Variants in PTPRE observed in about 807,000 individuals in gnomAD.
PTPRE encodes protein tyrosine phosphatase receptor type E.
PTPRE carries 51 observed loss-of-function variants against 102.0 expected under a neutral mutation model. That is an observed-to-expected ratio of 0.50 (90% CI 0.40 to 0.63). PTPRE has a LOEUF of 0.63. Ranked by LOEUF, PTPRE falls within the 30% of genes least tolerant of loss-of-function variation. The pLI is 0.00. For missense variants in PTPRE, 752 were observed against 915.1 expected (o/e 0.82, Z 2.30); for synonymous variants, 345 against 348.2 (o/e 0.99, Z 0.10).
At chr10:127,958,844 A>G (rs1335352283) in intron 1 of PTPRE, among the ~76,000 whole-genome samples, 1 of 151,324 alleles carries the variant, frequency 6.6e-6, no homozygotes, top group Non-Finnish European at 1.5e-5. Context: ...GAAGATTATT[A>G]ATTATTTATT....
intron 2 of PTPRE, among the ~76,000 whole-genome samples, chr10:127,997,284 A>G (rs1194846698): frequency 6.6e-6 from 1 of 152,204 alleles, no homozygotes; most frequent in Non-Finnish European, 1.5e-5. Context: ...ACACCCAGGT[A>G]AACTCTGAGT....
At chr10:127,962,524 C>G (rs573925637) in intron 1 of PTPRE, among the ~76,000 whole-genome samples, 1 of 152,170 alleles carries the variant, frequency 6.6e-6, no homozygotes. Flanking sequence ...GGGGAGGGGT[C>G]GATGGAGTGT....
At chr10:127,968,776 T>C (rs989653892) in intron 1 of PTPRE, among the ~76,000 whole-genome samples, 2 of 152,262 alleles carry the variant, frequency 1.3e-5, no homozygotes, top group African/African-American at 4.8e-5. Flanking sequence ...TTTAAAAATA[T>C]GTTGTGGCAG....
chr10:128,011,741 C>A (rs1159951076), intron 2 of PTPRE, among the ~76,000 whole-genome samples: 1 of 152,248 alleles, frequency 6.6e-6, no homozygotes, highest in Admixed American at 6.5e-5. Context: ...TAGGGGCTCC[C>A]CCCTCCACCC....
intron 1 of PTPRE, among the ~76,000 whole-genome samples, chr10:127,968,756 G>A (rs1196710918): frequency 6.6e-6 from 1 of 152,246 alleles, no homozygotes; most frequent in Non-Finnish European, 1.5e-5. Context: ...GGGTAGTTGT[G>A]AGCATTAAGT....
chr10:128,009,697 G>C (rs1347639146), intron 2 of PTPRE, among the ~76,000 whole-genome samples: 1 of 152,248 alleles, frequency 6.6e-6, no homozygotes, highest in South Asian at 2.1e-4. Flanking sequence ...GGACAGCCCT[G>C]AAAGATGCTG....
chr10:128,043,592 G>T (rs1847882182), intron 3 of PTPRE, among the ~76,000 whole-genome samples: 1 of 152,256 alleles, frequency 6.6e-6, no homozygotes, highest in East Asian at 1.9e-4. Context: ...ACTTGGGGCT[G>T]CCATCTTGGC....
intron 2 of PTPRE, among the ~76,000 whole-genome samples, chr10:128,022,359 T>C (rs113286149): frequency 0.031 from 4,721 of 152,334 alleles, 250 homozygotes; most frequent in African/African-American, 0.11. Flanking sequence ...GGAGCTGTGC[T>C]TCTCACAACC....
At chr10:128,068,376 C>G (rs1050898520) in intron 12 of PTPRE, 90 bp downstream of exon 12, 52 of 1,441,364 alleles carry the variant, frequency 3.6e-5, no homozygotes, top group Non-Finnish European at 4.7e-5. Context: ...GGACCAATAT[C>G]AGGGTGGGCA....
At chr10:127,910,046 A>G in intron 1 of PTPRE, among the ~76,000 whole-genome samples, 1 of 152,166 alleles carries the variant, frequency 6.6e-6, no homozygotes, top group Non-Finnish European at 1.5e-5. Flanking sequence ...CTTGCTAGAC[A>G]AGTCTTTTTC....
chr10:128,021,366 C>G (rs186925417), intron 2 of PTPRE, among the ~76,000 whole-genome samples: 2 of 152,314 alleles, frequency 1.3e-5, no homozygotes, highest in African/African-American at 4.8e-5. Flanking sequence ...CGACCTCCTG[C>G]GAGCCTCCTT....
At chr10:128,042,928 T>A (rs1188645042) in intron 3 of PTPRE, among the ~76,000 whole-genome samples, 1 of 152,142 alleles carries the variant, frequency 6.6e-6, no homozygotes, top group Non-Finnish European at 1.5e-5. Flanking sequence ...TCACTAATCA[T>A]GAAAAGATGC....
chr10:128,063,180 G>T lies in PTPRE; in HGVS notation c.723G>T (p.Glu241Asp). 2 of 1,614,116 alleles carry T rather than the reference G, an allele frequency of 1.2e-6. No individual in the cohort carries two copies. Among genetic ancestry groups the T allele is most frequent in the Non-Finnish European group, 1.7e-6 (2 of 1,180,004 alleles). ...TAACAAACTTGAAAGAAAGGAAAGAGGTGAGTTCCAGGCATCTGGCCCCGG... is the reference window on the plus strand; with the variant it reads ...TAACAAACTTGAAAGAAAGGAAAGATGTGAGTTCCAGGCATCTGGCCCCGG... Reference protein sequence around the residue: ...VMLTNLKERKEEKCHQYWPDQ... With the variant: ...VMLTNLKERKDEKCHQYWPDQ... Residue 241 changes from glutamate to aspartate, a missense_variant and splice_region_variant, in exon 10 of 21, where the codon GAG (glutamate) becomes GAT (aspartate). Glu to Asp is a conservative substitution (Grantham distance 45, BLOSUM62 2). This residue lies in a region of PTPRE where 636 missense variants were observed against 824.4 expected (regional missense o/e 0.77). Transcript: ENST00000254667.
At chr10:127,930,387 G>A (rs1847342623) in intron 1 of PTPRE, among the ~76,000 whole-genome samples, 2 of 152,098 alleles carry the variant, frequency 1.3e-5, no homozygotes, top group African/African-American at 4.8e-5. Context: ...ATAGCCTTTT[G>A]AGTCTGGCTT....
At position 128,056,104 on chromosome 10, in the gene PTPRE, A is replaced by G; in HGVS notation, c.421-19A>G. 6.4e-7 allele frequency: 1 copy of G among 1,563,472 alleles called. No individual in the cohort carries two copies. Among genetic ancestry groups the G allele is most frequent in the Non-Finnish European group, 8.8e-7 (1 of 1,134,616 alleles). On this transcript the variant is annotated intron_variant, in intron 6 of 20. Coordinates refer to ENST00000254667, the MANE Select transcript of PTPRE (RefSeq NM_006504.6). ...CTTGAATCCATCACATTTCATACTAATGCTACATTTTCTTCCAGTCATTGC... is the reference window on the plus strand; with the variant it reads ...CTTGAATCCATCACATTTCATACTAGTGCTACATTTTCTTCCAGTCATTGC...
At chr10:128,032,633 G>A (rs113386782) in intron 2 of PTPRE, among the ~76,000 whole-genome samples, 12,690 of 152,296 alleles carry the variant, frequency 0.083, 734 homozygotes, top group Non-Finnish European at 0.13. Flanking sequence ...CCAGTGTGGC[G>A]GGAGGAGGCT....
At chr10:128,022,888 T>C (rs555490203) in intron 2 of PTPRE, among the ~76,000 whole-genome samples, 1 of 152,332 alleles carries the variant, frequency 6.6e-6, no homozygotes, top group African/African-American at 2.4e-5. Context: ...ACCCTTGGAA[T>C]TGTAGTAATT....
chr10:127,961,155 A>G (rs1849779736), intron 1 of PTPRE, among the ~76,000 whole-genome samples: 1 of 152,172 alleles, frequency 6.6e-6, no homozygotes, highest in South Asian at 2.1e-4. Flanking sequence ...TCTCAGCCAC[A>G]CGTGTCCAGC....
At chr10:127,965,773 C>T (rs1850200343) in intron 1 of PTPRE, among the ~76,000 whole-genome samples, 1 of 152,226 alleles carries the variant, frequency 6.6e-6, no homozygotes, top group Non-Finnish European at 1.5e-5. Flanking sequence ...TGCTGGACAG[C>T]ATCAGAGATC....
Sources: allele counts gnomAD v4.1 joint callset (sites outside exome capture counted in the v4.1 genomes callset), GRCh38; gene constraint gnomAD v4.1.1; regional missense constraint gnomAD v4.1.1; transcripts MANE v1.5; gene names NCBI Gene and HGNC (gene_info 2026-07-23, HGNC 2026-07-21).